Variants in OPHN1 observed in about 807,000 individuals in gnomAD.
OPHN1 encodes the protein oligophrenin 1, also known as oligophrenin-1.
In OPHN1, 11 loss-of-function variants were observed where a neutral mutation model predicts 60.7. That is an observed-to-expected ratio of 0.18 (90% CI 0.11 to 0.30). OPHN1 has a LOEUF of 0.30. OPHN1 is among the 10% of genes least tolerant of loss of function. The pLI is 1.00. For synonymous variants in OPHN1, 226 were observed against 222.6 expected (o/e 1.02, Z -0.14); for missense variants, 449 against 611.0 (o/e 0.73, Z 2.80).
intron 15 of OPHN1, among the ~76,000 whole-genome samples, chrX:68,123,626 CTTGT>C (rs895231340): frequency 6.3e-5 from 7 of 111,318 alleles, no homozygotes; most frequent in African/African-American, 2.3e-4. Context: ...TCCTTTTTTC[CTTGT>C]TTGTTTGTTT....
chrX:68,066,708 G>A (rs181555793), intron 20 of OPHN1, among the ~76,000 whole-genome samples: 1 of 111,745 alleles, frequency 8.9e-6, no homozygotes, highest in African/African-American at 3.3e-5. Flanking sequence ...CTATAAAGTA[G>A]TACATTGTTA....
At chrX:68,339,253 G>A (rs756025576) in intron 2 of OPHN1, among the ~76,000 whole-genome samples, 21 of 109,275 alleles carry the variant, frequency 1.9e-4, no homozygotes, top group Admixed American at 1.8e-3. Flanking sequence ...AGGAACAGAA[G>A]GAAATCTCCT....
chrX:68,392,532 G>T (rs969717888), intron 2 of OPHN1, among the ~76,000 whole-genome samples: 1 of 109,667 alleles, frequency 9.1e-6, no homozygotes, highest in Non-Finnish European at 1.9e-5. Flanking sequence ...GGAAGAGAGT[G>T]GTTCCCCAGC....
At position 68,351,873 on chromosome X, in the gene OPHN1, CTT is replaced by C. The variant is rs58051308; in HGVS notation, c.155-52779_155-52778del. ...CACCACGCCTGGCTAATTTTTTTTT[CTT>C]TTTTTTTTTTTTTTTTTTTGAGACG... On this transcript the variant is annotated intron_variant, in intron 2 of 24. Coordinates refer to ENST00000355520, the MANE Select transcript of OPHN1 (RefSeq NM_002547.3). 9.8e-3 allele frequency among the ~76,000 whole-genome samples: 288 copies of C among 29,491 alleles called. 3 individuals are homozygous for C. The highest frequency in any genetic ancestry group is 0.042 in the African/African-American group (267 of 6,295). 25.6% of individuals were successfully genotyped at this position (29,491 alleles called of 115,157 possible).
chrX:68,420,090 C>T (rs1376654852), intron 2 of OPHN1, among the ~76,000 whole-genome samples: 1 of 111,637 alleles, frequency 9.0e-6, no homozygotes, highest in Non-Finnish European at 1.9e-5. Context: ...CTACCCACTT[C>T]TCTAATGCTG....
chrX:68,245,257 G>A (rs1287834103), intron 5 of OPHN1, among the ~76,000 whole-genome samples: 1 of 111,097 alleles, frequency 9.0e-6, no homozygotes, highest in Admixed American at 9.6e-5. Context: ...CGTATTCAAG[G>A]CCCTGCAGTC....
chrX:68,408,596 A>G (rs1657006863), intron 2 of OPHN1, among the ~76,000 whole-genome samples: 1 of 112,760 alleles, frequency 8.9e-6, no homozygotes, highest in Non-Finnish European at 1.9e-5. Context: ...TCAAATGTCC[A>G]GTAGTATTAA....
Position 68,350,484 on chromosome X carries a change from C to T in OPHN1, c.155-51388G>A, listed in dbSNP as rs367831896. Among the ~76,000 whole-genome samples, 86 of 63,107 alleles carry T rather than the reference C, an allele frequency of 1.4e-3. 1 individual carries two copies. The highest frequency in any genetic ancestry group is 3.2e-3 in the African/African-American group (32 of 10,053). 54.8% of individuals were successfully genotyped at this position (63,107 alleles called of 115,157 possible). A position where few individuals can be genotyped will look rare whatever the true frequency, so the allele number is the denominator to read the frequency against. ...CCTTCCTTCCTTCCTCCCTCCCTCC[C>T]TTCCTCCCTTCCTCCTTTCCTTCCT... On this transcript the variant is annotated intron_variant, in intron 2 of 24. Coordinates refer to ENST00000355520, the MANE Select transcript of OPHN1 (RefSeq NM_002547.3).
chrX:68,107,012 T>A (rs980564231), intron 18 of OPHN1, among the ~76,000 whole-genome samples: 1 of 112,107 alleles, frequency 8.9e-6, no homozygotes, highest in Non-Finnish European at 1.9e-5. Flanking sequence ...TTTGCTTTTA[T>A]TCTGTCTATA....
intron 15 of OPHN1, among the ~76,000 whole-genome samples, chrX:68,125,930 A>AATATATATATATAT (rs59058075): frequency 0.052 from 1,157 of 22,138 alleles, 94 homozygotes; most frequent in Non-Finnish European, 0.082. Context: ...ACCACTGATC[A>AATATATATATATAT]ATATATATAT....
In OPHN1 at chrX:68,053,790, T is replaced by G. The variant is rs1305957266; in HGVS notation, c.2179A>C (p.Lys727Gln). ...HKEGDADSFSKVRPPGEKPTI... is the reference protein window; with the variant it reads ...HKEGDADSFSQVRPPGEKPTI... ...GGCTTTTCTCCTGGAGGCCGCACTT[T>G]GCTGAAACTGTCAGCATCCCCTGGA... The change falls in exon 22 of 25, where the codon AAA becomes CAA. Residue 727 changes from lysine (K) to glutamine (Q), a missense_variant. Physicochemically the swap from Lys to Gln is moderately conservative, Grantham distance 53. Around this residue, in one of 4 missense-constraint regions of OPHN1, gnomAD observed 184 missense variants for 160.5 expected, o/e 1.15. Transcript: ENST00000355520. 4.1e-6 allele frequency: 5 copies of G among 1,207,684 alleles called. No individual in the cohort carries two copies. Among genetic ancestry groups the G allele is most frequent in the Non-Finnish European group, 5.6e-6 (5 of 894,688 alleles).
chrX:68,247,324 G>A (rs7065149), intron 5 of OPHN1, among the ~76,000 whole-genome samples: 6,311 of 111,511 alleles, frequency 0.057, 429 homozygotes, highest in African/African-American at 0.2. Flanking sequence ...ATTTAAGGCC[G>A]TAGGCAAATT....
chrX:68,089,371 C>T (rs749301362), intron 19 of OPHN1, among the ~76,000 whole-genome samples: 2 of 111,627 alleles, frequency 1.8e-5, no homozygotes, highest in African/African-American at 6.5e-5. Flanking sequence ...TATTCTTCCC[C>T]ACCCACACAC....
At chrX:68,205,145 T>C (rs1170002379) in intron 10 of OPHN1, among the ~76,000 whole-genome samples, 3 of 111,234 alleles carry the variant, frequency 2.7e-5, no homozygotes, top group Non-Finnish European at 3.8e-5. Flanking sequence ...AATGAGTAAC[T>C]GGCCCATGAT....
intron 15 of OPHN1, among the ~76,000 whole-genome samples, chrX:68,131,984 C>T (rs946040485): frequency 8.9e-6 from 1 of 112,326 alleles, no homozygotes; most frequent in Non-Finnish European, 1.9e-5. Flanking sequence ...GAAAGAAATA[C>T]AAATTAAAAT....
intron 19 of OPHN1, among the ~76,000 whole-genome samples, chrX:68,078,967 C>T (rs2076963948): frequency 9.4e-6 from 1 of 106,807 alleles, no homozygotes; most frequent in South Asian, 4.2e-4. Context: ...TCCTGGACAA[C>T]AGAGCAAGAC....
rs745376525 is a variant in OPHN1 at position 68,064,099 on chromosome X, A to G, written c.1913T>C (p.Leu638Pro). 3 of 1,207,328 alleles carry G rather than the reference A, an allele frequency of 2.5e-6. No individual in the cohort carries two copies. The highest frequency in any genetic ancestry group is 3.5e-5 in the South Asian group (2 of 56,342). ...EPPKPPQHPK[L>P]PIQRSGETDP... The stretch of plus-strand genomic sequence containing the variant: ...AGTTTCCCCACTCCTCTGAATAGGT[A>G]GTTTGGGGTGTTGTGGTGGCTTGGG... Residue 638 changes from leucine (L) to proline (P), a missense_variant, in exon 21 of 25, where the codon CTA becomes CCA. Transcript: ENST00000355520.
intron 15 of OPHN1, among the ~76,000 whole-genome samples, chrX:68,142,271 G>C (rs1239746970): frequency 8.9e-6 from 1 of 112,365 alleles, no homozygotes; most frequent in Non-Finnish European, 1.9e-5. Flanking sequence ...TTATATAAAT[G>C]TAAAAGACAA....
At chrX:68,227,284 C>G (rs766787469) in intron 6 of OPHN1, among the ~76,000 whole-genome samples, 1 of 110,737 alleles carries the variant, frequency 9.0e-6, no homozygotes, top group East Asian at 2.8e-4. Context: ...AGAAAGAGAC[C>G]TAGACTCCCA....
Sources: gnomAD v4.1 joint callset for allele counts (sites outside exome capture counted in the v4.1 genomes callset) on GRCh38, gnomAD v4.1.1 for gene constraint, gnomAD v4.1.1 regional missense constraint, MANE v1.5 for transcripts, NCBI Gene and HGNC (gene_info 2026-07-23, HGNC 2026-07-21) for gene names.